CLEC4D: variants seen among roughly 807,000 people sequenced by gnomAD.
CLEC4D encodes the protein C-type (calcium dependent, carbohydrate-recognition domain) lectin, superfamily member 8.
Under a neutral mutation model 21.1 loss-of-function variants are expected in CLEC4D, and 21 were observed. That is an observed-to-expected ratio of 1.00 (90% CI 0.71 to 1.43). The LOEUF is 1.43. Among genes scored for constraint, CLEC4D ranks in the 40% most tolerant of loss-of-function variants. The probability of loss-of-function intolerance (pLI) is 0.00; values close to 1 mark genes in which losing one functional copy is unlikely to be tolerated. For synonymous variants in CLEC4D, 85 were observed against 83.1 expected, an observed-to-expected ratio of 1.02 and a Z score of -0.12; for missense variants, 289 against 260.7, an observed-to-expected ratio of 1.11 and a Z score of -0.75.
chr12:8,517,540 A>G (rs1436369789), intron 2 of CLEC4D, among the ~76,000 whole-genome samples: 1 of 150,654 alleles, frequency 6.6e-6, no homozygotes, highest in African/African-American at 2.4e-5. Context: ...TTAGAAATGC[A>G]TAAGGTTCAT....
chr12:8,519,137 A>T lies in CLEC4D; in HGVS notation c.361A>T (p.Thr121Ser). The T allele has an allele frequency of 6.2e-7, 1 of 1,613,996 alleles. No individual in the cohort carries two copies. Among genetic ancestry groups the T allele is most frequent in the Non-Finnish European group, 8.5e-7 (1 of 1,179,950 alleles). ...NCSGMGAHLM[T>S]ISTEAEQNFI... Reference sequence around the variant, plus strand: ...TTCAGGGATGGGGGCCCATCTGATGACCATCAGCACGGAAGCTGAGCAGGT... The same window carrying T: ...TTCAGGGATGGGGGCCCATCTGATGTCCATCAGCACGGAAGCTGAGCAGGT... Residue 121 changes from threonine to serine, a missense_variant, in exon 4 of 6, where the codon ACC becomes TCC. Physicochemically the swap from Thr to Ser is moderately conservative, Grantham distance 58 (BLOSUM62 1). Coordinates refer to ENST00000299665, the MANE Select transcript of CLEC4D (RefSeq NM_080387.5).
the CLEC4D span, among the ~76,000 whole-genome samples, chr12:8,529,682 A>G: frequency 6.6e-6 from 1 of 152,242 alleles, no homozygotes; most frequent in Non-Finnish European, 1.5e-5. Context: ...ATGTAGTAAG[A>G]ATACAGCAAA....
chr12:8,528,649 G>T, the CLEC4D span, among the ~76,000 whole-genome samples: 2 of 152,132 alleles, frequency 1.3e-5, no homozygotes, highest in African/African-American at 2.4e-5. Context: ...AAAATTTCAA[G>T]CAGTGTTTTC....
chr12:8,526,152 T>C (rs1016123074), downstream of CLEC4D, among the ~76,000 whole-genome samples: 5 of 152,154 alleles, frequency 3.3e-5, no homozygotes, highest in African/African-American at 9.7e-5. Context: ...GAGAATCTGA[T>C]GATTATGTGT....
intron 4 of CLEC4D, among the ~76,000 whole-genome samples, chr12:8,519,754 A>G (rs1940433508): frequency 6.6e-6 from 1 of 152,210 alleles, no homozygotes; most frequent in South Asian, 2.1e-4. Context: ...TTATTTCCTC[A>G]TGTAATATGT....
rs765594498 is a variant in CLEC4D, at chr12:8,519,125, G to A, written c.349G>A (p.Ala117Thr). The A allele has an allele frequency of 6.2e-7, 1 of 1,614,038 alleles. No individual in the cohort carries two copies. Among genetic ancestry groups the A allele is most frequent in the Non-Finnish European group, 8.5e-7 (1 of 1,179,962 alleles). Residue 117 changes from alanine (A) to threonine (T), a missense_variant, in exon 4 of 6, where the codon GCC becomes ACC. Physicochemically the swap from Ala to Thr is moderately conservative, Grantham distance 58. Transcript: ENST00000299665. ...TGAAAGGAACTGTTCAGGGATGGGG[G>A]CCCATCTGATGACCATCAGCACGGA... ...ESERNCSGMGAHLMTISTEAE... is the reference protein window; with the variant it reads ...ESERNCSGMGTHLMTISTEAE...
rs1940442212 is a variant in CLEC4D at position 8,520,301 on chromosome 12, T to G, written c.460T>G (p.Trp154Gly). 6.2e-7 allele frequency: 1 copy of G among 1,613,938 alleles called. No homozygotes were observed. The highest frequency in any genetic ancestry group is 1.3e-5 in the African/African-American group (1 of 74,932). The change falls in exon 5 of 6, where the codon TGG becomes GGG. Residue 154 changes from tryptophan to glycine, a missense_variant. By Grantham distance (184) the Trp-to-Gly change is radical. Transcript: ENST00000299665. ...GLRDENAKGQ[W>G]RWVDQTPFNP... ...TAGAGATGAGAATGCCAAAGGTCAGTGGCGTTGGGTGGACCAGACGCCATT... is the reference window on the plus strand; with the variant it reads ...TAGAGATGAGAATGCCAAAGGTCAGGGGCGTTGGGTGGACCAGACGCCATT...
At chr12:8,531,080 G>C in the CLEC4D span, among the ~76,000 whole-genome samples, 1 of 151,978 alleles carries the variant, frequency 6.6e-6, no homozygotes, top group Non-Finnish European at 1.5e-5. Context: ...CCACCCCCAC[G>C]TATGGGCGTC....
chr12:8,515,198 T>G (rs752306298), intron 1 of CLEC4D, 38 bp from the exon 2 acceptor site: 3 of 940,378 alleles, frequency 3.2e-6, no homozygotes. Context: ...AGCTTGTAGC[T>G]GAGAGGAGGT....
At chr12:8,524,363 C>T (rs1048005988), downstream of CLEC4D, among the ~76,000 whole-genome samples, 3 of 149,764 alleles carry the variant, frequency 2.0e-5, no homozygotes, top group African/African-American at 7.6e-5. Context: ...CTATTAATTG[C>T]TGCCTCTATT....
chr12:8,524,948 C>T (rs776167121), downstream of CLEC4D, among the ~76,000 whole-genome samples: 18 of 152,052 alleles, frequency 1.2e-4, no homozygotes, highest in Non-Finnish European at 2.2e-4. Context: ...GCCTTAATTT[C>T]GTTATTTACT....
At chr12:8,515,652 A>G (rs1164741917) in intron 2 of CLEC4D, among the ~76,000 whole-genome samples, 1 of 152,192 alleles carries the variant, frequency 6.6e-6, no homozygotes, top group Non-Finnish European at 1.5e-5. Flanking sequence ...GAAGAAAAAT[A>G]ACTTTCAGAT....
chr12:8,527,202 T>C (rs984714528), downstream of CLEC4D, among the ~76,000 whole-genome samples: 5 of 152,190 alleles, frequency 3.3e-5, no homozygotes, highest in Admixed American at 3.3e-4. Context: ...ACCTGATTAA[T>C]GAAGCCCTTT....
At chr12:8,528,725 G>A in the CLEC4D span, among the ~76,000 whole-genome samples, 2 of 152,152 alleles carry the variant, frequency 1.3e-5, no homozygotes, top group Non-Finnish European at 1.5e-5. Flanking sequence ...AAACGTAGAA[G>A]ATAAATAAAT....
chr12:8,518,358 C>G, intron 3 of CLEC4D, 84 bp downstream of exon 3: 1 of 682,970 alleles, frequency 1.5e-6, no homozygotes, highest in South Asian at 1.7e-5. Context: ...AGTAGTGAAC[C>G]AGGAAAGATT....
the CLEC4D span, among the ~76,000 whole-genome samples, chr12:8,529,029 T>C: frequency 6.6e-6 from 1 of 152,220 alleles, no homozygotes; most frequent in Non-Finnish European, 1.5e-5. Flanking sequence ...ATTTATATCT[T>C]GTTCTTATAA....
Position 8,518,246 on chromosome 12 carries a change from A to G in CLEC4D, c.204A>G (p.Lys68=). The G allele has an allele frequency of 7.6e-7, 1 of 1,313,478 alleles. No individual in the cohort carries two copies. Among genetic ancestry groups the G allele is most frequent in the African/African-American group, 1.4e-5 (1 of 69,534 alleles). The allele number at this position is 1,313,478 out of a possible 1,614,324, so 81.4% of individuals were successfully genotyped here. ...LEHHAKLKCI[K]EKSELKSAEG... ...ACCATGCAAAGCTCAAATGCATCAA[A>G]GAGAAATCAGAACTGAAAAGTGCTG... Residue 68 remains lysine, a synonymous_variant, in exon 3 of 6, where the codon AAA becomes AAG. Coordinates refer to ENST00000299665, the MANE Select transcript of CLEC4D (RefSeq NM_080387.5).
downstream of CLEC4D, among the ~76,000 whole-genome samples, chr12:8,525,869 C>T (rs1364611034): frequency 2.0e-5 from 3 of 152,110 alleles, no homozygotes; most frequent in Admixed American, 1.3e-4. Flanking sequence ...GAAGCTCTTG[C>T]AAGGCAGGCC....
At chr12:8,528,861 C>T in the CLEC4D span, among the ~76,000 whole-genome samples, 1,161 of 151,210 alleles carry the variant, frequency 7.7e-3, 22 homozygotes, top group African/African-American at 0.027. Flanking sequence ...AGAATATATA[C>T]TATATATAAA....
Sources: allele counts gnomAD v4.1 joint callset (sites outside exome capture counted in the v4.1 genomes callset), GRCh38; gene constraint gnomAD v4.1.1; transcripts MANE v1.5; gene names NCBI Gene and HGNC (gene_info 2026-07-23, HGNC 2026-07-21).